Variants in TAF15 observed in about 807,000 individuals in gnomAD.
TAF15 encodes TATA-binding protein-associated factor 2N.
In TAF15, 37 loss-of-function variants were observed where a neutral mutation model predicts 102.5. The observed-to-expected ratio is 0.36, with a 90% CI of 0.28 to 0.47. The LOEUF is 0.47. Among genes scored for constraint, TAF15 ranks in the 20% least tolerant of loss-of-function variants. TAF15 has a pLI of 0.99. For synonymous variants in TAF15, 273 were observed against 259.2 expected (o/e 1.05, Z -0.51); for missense variants, 652 against 760.7 (o/e 0.86, Z 1.68).
rs1259441837 is a variant in TAF15, at chr17:35,844,275, C to G, written c.1089-5C>G. The G allele has an allele frequency of 6.2e-7, 1 of 1,614,158 alleles. No individual in the cohort carries two copies. The highest frequency in any genetic ancestry group is 8.5e-7 in the Non-Finnish European group (1 of 1,179,996). On this transcript the variant is annotated splice_polypyrimidine_tract_variant and splice_region_variant and intron_variant, in intron 13 of 15. Transcript: ENST00000605844. Reference sequence around the variant, plus strand: ...TAGGAGCATTATATTTTCCTCCTTTCTTAGGTCATGCGGAAATATGAACTT... The same window carrying G: ...TAGGAGCATTATATTTTCCTCCTTTGTTAGGTCATGCGGAAATATGAACTT...
In TAF15 at chr17:35,844,695, G is replaced by T. The variant is rs758067673; in HGVS notation, c.1396G>T (p.Asp466Tyr). ...GGDRGGGYGGDRGGGYGGDRG... is the reference protein window; with the variant it reads ...GGDRGGGYGGYRGGGYGGDRG... ...GGACAGAGGCGGCGGCTATGGTGGG[G>T]ACAGAGGAGGCGGCTATGGAGGAGA... The change falls in exon 15 of 16, where the codon GAC becomes TAC. Residue 466 changes from aspartate to tyrosine, a missense_variant. This residue lies in a region of TAF15 where 368 missense variants were observed against 367.5 expected (regional missense o/e 1.00). Coordinates refer to ENST00000605844, the MANE Select transcript of TAF15 (RefSeq NM_139215.3). The T allele has an allele frequency of 1.2e-6, 2 of 1,602,962 alleles. No individual in the cohort carries two copies. Among genetic ancestry groups the T allele is most frequent in the Non-Finnish European group, 1.7e-6 (2 of 1,175,120 alleles).
At chr17:35,840,654 A>G (rs918128486) in intron 11 of TAF15, among the ~76,000 whole-genome samples, 2 of 152,002 alleles carry the variant, frequency 1.3e-5, no homozygotes, top group Middle Eastern at 3.4e-3. Context: ...TCACAAGGTC[A>G]GGAGTTCAAG....
chr17:35,836,038 T>G, intron 9 of TAF15, 94 bp from the exon 10 acceptor site: 1 of 872,638 alleles, frequency 1.1e-6, no homozygotes, highest in African/African-American at 1.7e-5. Flanking sequence ...TAGAAACAAT[T>G]GAATATTGGA....
chr17:35,828,897 A>G (rs927113817), intron 7 of TAF15, among the ~76,000 whole-genome samples: 13 of 152,218 alleles, frequency 8.5e-5, no homozygotes, highest in African/African-American at 3.1e-4. Context: ...CCAGTGCTCA[A>G]CAGGCCACAT....
rs2087296568 is a variant in TAF15 at position 35,824,070 on chromosome 17, T to C, written c.485-8T>C. ...GGTTATTTGTGTGTAATATTTTCTT[T>C]TTTGTAGATGACCGTCGTGATGTGA... On this transcript the variant is annotated splice_region_variant and splice_polypyrimidine_tract_variant and intron_variant, in intron 6 of 15. Coordinates refer to ENST00000605844, the MANE Select transcript of TAF15 (RefSeq NM_139215.3). 1 of 1,614,140 alleles carries C rather than the reference T, an allele frequency of 6.2e-7. No homozygotes were observed. Among genetic ancestry groups the C allele is most frequent in the Non-Finnish European group, 8.5e-7 (1 of 1,180,024 alleles).
At chr17:35,815,709 C>A (rs959223961) in intron 1 of TAF15, among the ~76,000 whole-genome samples, 10 of 152,122 alleles carry the variant, frequency 6.6e-5, no homozygotes, top group African/African-American at 2.4e-4. Flanking sequence ...TCATTGTTTT[C>A]CCCCTCATAA....
chr17:35,829,276 A>G (rs2087368535), intron 7 of TAF15, among the ~76,000 whole-genome samples: 1 of 151,760 alleles, frequency 6.6e-6, no homozygotes, highest in Non-Finnish European at 1.5e-5. Flanking sequence ...ACTTCTTGGC[A>G]GTTTTAGTCC....
At chr17:35,842,009 C>T (rs147283544) in intron 11 of TAF15, among the ~76,000 whole-genome samples, 30 of 151,988 alleles carry the variant, frequency 2.0e-4, no homozygotes, top group Admixed American at 3.9e-4. Context: ...TTTTCTCCAC[C>T]CCTGACACCA....
intron 1 of TAF15, among the ~76,000 whole-genome samples, chr17:35,814,619 G>A (rs1237192811): frequency 2.6e-5 from 4 of 151,976 alleles, no homozygotes; most frequent in East Asian, 3.9e-4. Flanking sequence ...TTGGGAGGCC[G>A]AGGCGGGCGG....
chr17:35,820,522 CT>C, intron 5 of TAF15, 85 bp downstream of exon 5: 1 of 1,307,370 alleles, frequency 7.6e-7, no homozygotes, highest in Non-Finnish European at 1.1e-6. Context: ...AAAATCCTAG[CT>C]TTAAACTTTT....
At chr17:35,842,714 G>A (rs1045425290) in intron 12 of TAF15, among the ~76,000 whole-genome samples, 1 of 151,968 alleles carries the variant, frequency 6.6e-6, no homozygotes, top group African/African-American at 2.4e-5. Flanking sequence ...TGGAAATCAG[G>A]AGGCAATTTT....
chr17:35,844,041 G>A (rs2087579016), intron 12 of TAF15, 36 bp from the exon 13 acceptor site: 1 of 1,568,696 alleles, frequency 6.4e-7, no homozygotes, highest in African/African-American at 1.4e-5. Context: ...GTTAATATCT[G>A]CTGCTGATTT....
At chr17:35,815,229 A>G (rs1298056616) in intron 1 of TAF15, among the ~76,000 whole-genome samples, 1 of 152,242 alleles carries the variant, frequency 6.6e-6, no homozygotes, top group Non-Finnish European at 1.5e-5. Flanking sequence ...TCAAAACTAT[A>G]CACTTGGAAA....
Position 35,822,718 on chromosome 17 carries a change from T to G in TAF15, c.369T>G (p.Asp123Glu). 6.2e-7 allele frequency: 1 copy of G among 1,614,130 alleles called. No individual in the cohort carries two copies. The highest frequency in any genetic ancestry group is 8.5e-7 in the Non-Finnish European group (1 of 1,180,014). ...CATATGACCAGCAGTCAGGCTATGA[T>G]CAACATCAAGGCTCATATGATGAGC... ...QDSYDQQSGYDQHQGSYDEQS... is the reference protein window; with the variant it reads ...QDSYDQQSGYEQHQGSYDEQS... The change falls in exon 6 of 16, where the codon GAT becomes GAG. Residue 123 changes from aspartate (D) to glutamate (E), a missense_variant. Asp to Glu is a conservative substitution (Grantham distance 45). Transcript: ENST00000605844.
At position 35,841,375 on chromosome 17, in the gene TAF15, C is replaced by T. The variant is rs753966098; in HGVS notation, c.914-992C>T. On this transcript the variant is annotated intron_variant, in intron 11 of 15. Transcript: ENST00000605844. ...CCTTAAATAAACAAATGGTACCATA[C>T]TTCACATATTCTACAGCTGGCTTTT... Among the ~76,000 whole-genome samples the T allele has an allele frequency of 4.8e-4, 73 of 152,146 alleles. 1 individual carries two copies. The highest frequency in any genetic ancestry group is 8.5e-4 in the Admixed American group (13 of 15,266).
At chr17:35,827,036 A>G (rs2087338882) in intron 7 of TAF15, among the ~76,000 whole-genome samples, 1 of 151,766 alleles carries the variant, frequency 6.6e-6, no homozygotes, top group Admixed American at 6.6e-5. Flanking sequence ...GTACCAGAAT[A>G]CCCAAACATT....
chr17:35,809,634 C>T (rs980122805), intron 1 of TAF15, 58 bp downstream of exon 1: 25 of 1,610,856 alleles, frequency 1.6e-5, no homozygotes, highest in South Asian at 2.2e-5. Flanking sequence ...CGGGGTTGGG[C>T]TGTCTTCCCG....
chr17:35,813,397 G>A (rs908621040), intron 1 of TAF15, among the ~76,000 whole-genome samples: 5 of 152,120 alleles, frequency 3.3e-5, no homozygotes, highest in African/African-American at 1.2e-4. Flanking sequence ...ACTTTAAGAG[G>A]CTGAGGTGGG....
intron 6 of TAF15, 46 bp downstream of exon 6, chr17:35,822,879 T>A: frequency 6.2e-7 from 1 of 1,604,348 alleles, no homozygotes; most frequent in Non-Finnish European, 8.5e-7. Context: ...CTCTCAGAAT[T>A]ATTTGTATGA....
Sources: gnomAD v4.1 joint callset for allele counts (sites outside exome capture counted in the v4.1 genomes callset) on GRCh38, gnomAD v4.1.1 for gene constraint, gnomAD v4.1.1 regional missense constraint, MANE v1.5 for transcripts, NCBI Gene and HGNC (gene_info 2026-07-23, HGNC 2026-07-21) for gene names.